Variants in CCDC102B observed in about 807,000 individuals in gnomAD.
The protein encoded by CCDC102B is coiled-coil domain containing 102B, also known as coiled-coil domain-containing protein 102B.
In CCDC102B, 75 loss-of-function variants were observed where a neutral mutation model predicts 57.4. The ratio of observed to expected loss-of-function variants is 1.31; its 90% CI spans 1.08 to 1.58. The LOEUF (loss-of-function observed/expected upper bound fraction) is 1.58. Among genes scored for constraint, CCDC102B ranks in the 40% most tolerant of loss-of-function variants. The probability of loss-of-function intolerance (pLI) is 0.00; values close to 1 mark genes in which losing one functional copy is unlikely to be tolerated. For missense variants in CCDC102B, 636 were observed against 582.6 expected, an observed-to-expected ratio of 1.09 and a Z score of -0.94; for synonymous variants, 206 against 201.9, an observed-to-expected ratio of 1.02 and a Z score of -0.17.
intron 1 of CCDC102B, among the ~76,000 whole-genome samples, chr18:68,814,811 C>G (rs1158515578): frequency 2.0e-5 from 3 of 151,742 alleles, no homozygotes; most frequent in East Asian, 3.9e-4. Context: ...GCAATGAAAA[C>G]AAGCTGAAAA....
At chr18:68,748,205 GGTGTGTGTGT>G (rs5825872) in intron 2 of CCDC102B, among the ~76,000 whole-genome samples, 32,349 of 137,304 alleles carry the variant, frequency 0.24, 4,384 homozygotes, top group Non-Finnish European at 0.32. Context: ...TTATTAAACT[GGTGTGTGTGT>G]GTGTGTGTGT....
intron 6 of CCDC102B, among the ~76,000 whole-genome samples, chr18:68,988,663 A>G (rs1249532594): frequency 1.3e-5 from 2 of 152,240 alleles, no homozygotes; most frequent in Admixed American, 6.5e-5. Context: ...GATATGGTTG[A>G]AAGTAAAAAC....
chr18:68,955,145 T>C (rs561526038), intron 6 of CCDC102B, among the ~76,000 whole-genome samples: 1 of 152,206 alleles, frequency 6.6e-6, no homozygotes, highest in African/African-American at 2.4e-5. Context: ...GTGCCTTTAT[T>C]TTTAAACTGA....
At chr18:68,865,302 A>C (rs896506903) in intron 4 of CCDC102B, among the ~76,000 whole-genome samples, 2 of 151,984 alleles carry the variant, frequency 1.3e-5, no homozygotes, top group African/African-American at 4.8e-5. Flanking sequence ...GCAATTCACG[A>C]AGTGTCAGTA....
intron 1 of CCDC102B, among the ~76,000 whole-genome samples, chr18:68,806,281 T>C (rs923906079): frequency 6.6e-6 from 1 of 152,180 alleles, no homozygotes; most frequent in African/African-American, 2.4e-5. Flanking sequence ...TAGATAAGAA[T>C]GCTCAGCAAA....
chr18:68,907,027 A>C (rs1700297297), intron 6 of CCDC102B, among the ~76,000 whole-genome samples: 1 of 152,196 alleles, frequency 6.6e-6, no homozygotes, highest in African/African-American at 2.4e-5. Flanking sequence ...CCATGTGAAT[A>C]TCCAGTTGTG....
At chr18:68,990,297 C>A (rs1003310250) in intron 6 of CCDC102B, among the ~76,000 whole-genome samples, 1 of 152,142 alleles carries the variant, frequency 6.6e-6, no homozygotes, top group Non-Finnish European at 1.5e-5. Context: ...AATAACAGGC[C>A]TTTCCAGCAT....
At chr18:68,805,270 T>G (rs566312843) in intron 1 of CCDC102B, among the ~76,000 whole-genome samples, 1 of 152,342 alleles carries the variant, frequency 6.6e-6, no homozygotes, top group South Asian at 2.1e-4. Flanking sequence ...GTTTGTGATT[T>G]AATCAGGGAA....
intron 1 of CCDC102B, among the ~76,000 whole-genome samples, chr18:68,802,772 T>A (rs1207667289): frequency 1.3e-5 from 2 of 152,220 alleles, no homozygotes; most frequent in Admixed American, 1.3e-4. Context: ...GAAGCATAGA[T>A]CTTTATCCAA....
intron 7 of CCDC102B, among the ~76,000 whole-genome samples, chr18:69,049,691 C>T (rs901861097): frequency 7.9e-5 from 12 of 152,088 alleles, no homozygotes; most frequent in African/African-American, 2.9e-4. Flanking sequence ...CCTAGAAAAA[C>T]ACAATTAATA....
chr18:68,996,062 T>A (rs1367096632), intron 6 of CCDC102B, among the ~76,000 whole-genome samples: 1 of 152,194 alleles, frequency 6.6e-6, no homozygotes, highest in Non-Finnish European at 1.5e-5. Flanking sequence ...TCAACTTGAT[T>A]AGACTGAAAG....
intron 1 of CCDC102B, among the ~76,000 whole-genome samples, chr18:68,832,643 A>G (rs978141688): frequency 3.3e-5 from 5 of 149,260 alleles, no homozygotes; most frequent in African/African-American, 1.2e-4. Context: ...AGAACCCAAG[A>G]CTGTGTCCTC....
At chr18:68,792,449 T>G (rs1277323084) in intron 2 of CCDC102B, among the ~76,000 whole-genome samples, 1 of 152,220 alleles carries the variant, frequency 6.6e-6, no homozygotes, top group Non-Finnish European at 1.5e-5. Flanking sequence ...CTGAATTTAC[T>G]TAATGTTCAT....
At chr18:68,862,567 A>G (rs2038808715) in intron 4 of CCDC102B, among the ~76,000 whole-genome samples, 1 of 152,140 alleles carries the variant, frequency 6.6e-6, no homozygotes, top group Non-Finnish European at 1.5e-5. Flanking sequence ...AACCATATAT[A>G]GAAGCAAAAA....
intron 2 of CCDC102B, among the ~76,000 whole-genome samples, chr18:68,736,787 C>T (rs1049963797): frequency 6.6e-6 from 1 of 152,078 alleles, no homozygotes; most frequent in East Asian, 1.9e-4. Context: ...ATTACCTCCC[C>T]ATGGGTCCCT....
chr18:68,819,232 T>C (rs1305155329), intron 1 of CCDC102B, among the ~76,000 whole-genome samples: 1 of 152,138 alleles, frequency 6.6e-6, no homozygotes, highest in Non-Finnish European at 1.5e-5. Flanking sequence ...GTTTATAGTT[T>C]TGTTTTACAC....
chr18:68,815,360 G>A (rs1246343346), intron 1 of CCDC102B, among the ~76,000 whole-genome samples: 1 of 152,104 alleles, frequency 6.6e-6, no homozygotes, highest in East Asian at 1.9e-4. Context: ...TAAACTGCAG[G>A]TATATGCATT....
At chr18:68,813,215 T>TCTCTCTCCTGC (rs2036340096) in intron 1 of CCDC102B, among the ~76,000 whole-genome samples, 1 of 152,092 alleles carries the variant, frequency 6.6e-6, no homozygotes, top group Non-Finnish European at 1.5e-5. Context: ...CTCTCTCCTG[T>TCTCTCTCCTGC]TTCGCCATAA....
At chr18:68,861,845 G>A (rs1447440049) in intron 4 of CCDC102B, among the ~76,000 whole-genome samples, 1 of 152,092 alleles carries the variant, frequency 6.6e-6, no homozygotes, top group African/African-American at 2.4e-5. Context: ...ATTATTTGTT[G>A]TGATTCATTA....
Sources: gnomAD v4.1 joint callset for allele counts (sites outside exome capture counted in the v4.1 genomes callset) on GRCh38, gnomAD v4.1.1 for gene constraint, MANE v1.5 for transcripts, NCBI Gene and HGNC (gene_info 2026-07-23, HGNC 2026-07-21) for gene names.